Variants in XYLT1 observed in about 807,000 individuals in gnomAD.
XYLT1 encodes xylosyltransferase 1, also known as beta-D-xylosyltransferase 1.
Under a neutral mutation model 91.3 loss-of-function variants are expected in XYLT1, and 36 were observed. That is an observed-to-expected ratio of 0.39 (90% CI 0.30 to 0.52). The LOEUF is 0.52. Among genes scored for constraint, XYLT1 ranks in the 20% least tolerant of loss-of-function variants. XYLT1 has a pLI of 0.68. For synonymous variants in XYLT1, 588 were observed against 532.0 expected, an observed-to-expected ratio of 1.11 and a Z score of -1.45; for missense variants, 1,242 against 1,284.5, an observed-to-expected ratio of 0.97 and a Z score of 0.51.
chr16:17,197,922 C>T, intron 5 of XYLT1: 2 of 465,516 alleles, frequency 4.3e-6, no homozygotes, highest in South Asian at 2.7e-5. Context: ...TAGTTCTGTC[C>T]CTCTAGAGAA....
chr16:17,117,551 C>A, intron 11 of XYLT1, 95 bp downstream of exon 11: 1 of 1,353,298 alleles, frequency 7.4e-7, no homozygotes, highest in Non-Finnish European at 1.0e-6. Context: ...CCGCTGCTTA[C>A]CCTATGTCTG....
chr16:17,356,916 C>T (rs935861499), intron 2 of XYLT1, among the ~76,000 whole-genome samples: 2 of 152,066 alleles, frequency 1.3e-5, no homozygotes, highest in Non-Finnish European at 2.9e-5. Flanking sequence ...GTGGCTCATG[C>T]CTGTAATCCC....
At chr16:17,182,791 T>G (rs997674202) in intron 5 of XYLT1, among the ~76,000 whole-genome samples, 1 of 152,038 alleles carries the variant, frequency 6.6e-6, no homozygotes, top group Non-Finnish European at 1.5e-5. Context: ...CACCACCAGA[T>G]AGCCAGTTAG....
intron 1 of XYLT1, among the ~76,000 whole-genome samples, chr16:17,456,498 G>A (rs1430774872): frequency 2.0e-5 from 3 of 151,858 alleles, no homozygotes; most frequent in Non-Finnish European, 2.9e-5. Flanking sequence ...ACCATGCCCA[G>A]CTGATTGATT....
chr16:17,374,227 A>C (rs1241537177), intron 1 of XYLT1, among the ~76,000 whole-genome samples: 1 of 152,214 alleles, frequency 6.6e-6, no homozygotes, highest in Non-Finnish European at 1.5e-5. Flanking sequence ...GGAAGTCTGA[A>C]TCTAGAATCA....
intron 1 of XYLT1, among the ~76,000 whole-genome samples, chr16:17,398,822 C>CCCCCT (rs1555454006): frequency 5.9e-5 from 4 of 67,862 alleles, no homozygotes; most frequent in Non-Finnish European, 1.2e-4. Context: ...GTCCCCGCCC[C>CCCCCT]CCCCCACTGT....
At chr16:17,209,285 T>C (rs530012947) in intron 3 of XYLT1, among the ~76,000 whole-genome samples, 1 of 152,362 alleles carries the variant, frequency 6.6e-6, no homozygotes, top group South Asian at 2.1e-4. Context: ...ATCCTTTCAC[T>C]TGGCGCAGTG....
At chr16:17,317,835 A>G (rs1002231681) in intron 2 of XYLT1, among the ~76,000 whole-genome samples, 1 of 151,906 alleles carries the variant, frequency 6.6e-6, no homozygotes, top group Non-Finnish European at 1.5e-5. Flanking sequence ...ACTCATCAAT[A>G]TGTTTCAGCC....
rs971391013 is a variant in XYLT1, at chr16:17,312,918, G to A, written c.402+45094C>T. On this transcript the variant is annotated intron_variant, in intron 2 of 11. Transcript: ENST00000261381. This position sits in a 1 kb window ranked among gnomAD's most constrained non-coding sequence, Gnocchi z 4.4. ...TACTCATATTTGAAAAGGACTTCTA[G>A]GTGTCAAATGTAGGTTCCAGACCCA... Among the ~76,000 whole-genome samples, 4 of 152,202 alleles carry A rather than the reference G, an allele frequency of 2.6e-5. No individual in the cohort carries two copies. Among genetic ancestry groups the A allele is most frequent in the Admixed American group, 1.3e-4 (2 of 15,284 alleles).
chr16:17,283,861 G>A (rs1226658079), intron 2 of XYLT1, among the ~76,000 whole-genome samples: 1 of 152,138 alleles, frequency 6.6e-6, no homozygotes, highest in African/African-American at 2.4e-5. Flanking sequence ...ATTTCCATTT[G>A]ACAACCATGA....
intron 2 of XYLT1, among the ~76,000 whole-genome samples, chr16:17,294,998 T>C (rs1273308788): frequency 1.3e-5 from 2 of 152,002 alleles, no homozygotes; most frequent in Non-Finnish European, 2.9e-5. Context: ...ATATAACAAA[T>C]AGTGCACAGA....
chr16:17,184,362 G>A (rs923278661), intron 5 of XYLT1, among the ~76,000 whole-genome samples: 3 of 152,046 alleles, frequency 2.0e-5, no homozygotes, highest in African/African-American at 7.2e-5. Context: ...AAAATTCATT[G>A]TGTGGTCAAG....
intron 6 of XYLT1, among the ~76,000 whole-genome samples, chr16:17,143,834 ATCG>A (rs1392944174): frequency 1.2e-5 from 1 of 81,594 alleles, no homozygotes; most frequent in Non-Finnish European, 2.4e-5. Flanking sequence ...CATCACCACC[ATCG>A]TCATCATCAC....
At chr16:17,222,115 G>A (rs187794783) in intron 3 of XYLT1, among the ~76,000 whole-genome samples, 2 of 152,318 alleles carry the variant, frequency 1.3e-5, no homozygotes, top group East Asian at 3.9e-4. Flanking sequence ...GTTCCTCTGA[G>A]GGAGACTGAA....
chr16:17,390,862 TC>T (rs764829978), intron 1 of XYLT1, among the ~76,000 whole-genome samples: 5 of 152,000 alleles, frequency 3.3e-5, no homozygotes, highest in Middle Eastern at 3.4e-3. Flanking sequence ...ATGACGAAAC[TC>T]CCGTCTCTAC....
chr16:17,436,001 G>A (rs1030441737), intron 1 of XYLT1, among the ~76,000 whole-genome samples: 1 of 152,172 alleles, frequency 6.6e-6, no homozygotes, highest in African/African-American at 2.4e-5. Context: ...GGGCCAGGTG[G>A]AGATAACTGA....
intron 2 of XYLT1, among the ~76,000 whole-genome samples, chr16:17,299,194 C>T (rs1444851546): frequency 2.0e-5 from 3 of 152,168 alleles, no homozygotes; most frequent in African/African-American, 7.2e-5. Context: ...GCACCTACTG[C>T]ACTTAAGGCA....
chr16:17,370,234 G>A (rs1350549300), intron 1 of XYLT1, among the ~76,000 whole-genome samples: 2 of 152,168 alleles, frequency 1.3e-5, no homozygotes, highest in Admixed American at 6.5e-5. Flanking sequence ...TCATGCCAAG[G>A]TCAGGCAAGA....
chr16:17,329,700 C>A lies in XYLT1; in HGVS notation c.402+28312G>T, dbSNP rs551295578. 7.0e-4 allele frequency among the ~76,000 whole-genome samples: 107 copies of A among 152,314 alleles called. No individual in the cohort carries two copies. The South Asian group carries it at 9.6e-3, about 14-fold the overall frequency. On this transcript the variant is annotated intron_variant, in intron 2 of 11. Coordinates refer to ENST00000261381, the MANE Select transcript of XYLT1 (RefSeq NM_022166.4). ...GCAACCTGTGCCTCCGGGTCTGTTACTTGCACAAACATGGACACCCGTGAG... is the reference window on the plus strand; with the variant it reads ...GCAACCTGTGCCTCCGGGTCTGTTAATTGCACAAACATGGACACCCGTGAG...
Sources: allele counts gnomAD v4.1 joint callset (sites outside exome capture counted in the v4.1 genomes callset), GRCh38; gene constraint gnomAD v4.1.1; non-coding constraint Gnocchi (gnomAD v3.1); transcripts MANE v1.5; gene names NCBI Gene and HGNC (gene_info 2026-07-23, HGNC 2026-07-21).